UBR3: variants seen among roughly 807,000 people sequenced by gnomAD.
UBR3 encodes E3 ubiquitin-protein ligase UBR3.
In UBR3, 85 loss-of-function variants were observed where a neutral mutation model predicts 243.2. The ratio of observed to expected loss-of-function variants is 0.35; its 90% confidence interval spans 0.29 to 0.42. UBR3 has a LOEUF of 0.42. UBR3 is among the 10% of genes least tolerant of loss of function. The pLI is 1.00. For synonymous variants in UBR3, 748 were observed against 799.8 expected (o/e 0.94, Z 1.09); for missense variants, 1,686 against 2,300.8 (o/e 0.73, Z 5.47).
chr2:170,074,308 T>G (rs926331702), intron 36 of UBR3, among the ~76,000 whole-genome samples: 1 of 152,118 alleles, frequency 6.6e-6, no homozygotes, highest in Non-Finnish European at 1.5e-5. Flanking sequence ...GAGAAAAATA[T>G]AGGACTTGGT....
At chr2:170,045,980 T>TA in intron 32 of UBR3, among the ~76,000 whole-genome samples, 1 of 150,978 alleles carries the variant, frequency 6.6e-6, no homozygotes, top group Non-Finnish European at 1.5e-5. Flanking sequence ...TTTTTTTTTT[T>TA]TTTTTTTGGA....
chr2:170,069,743 A>C (rs1175715966), intron 35 of UBR3, among the ~76,000 whole-genome samples: 36 of 151,794 alleles, frequency 2.4e-4, no homozygotes, highest in Admixed American at 2.4e-3. Context: ...AATTGACAGC[A>C]TTTCCTTCTT....
intron 8 of UBR3, among the ~76,000 whole-genome samples, chr2:169,903,474 C>T (rs1468571763): frequency 6.6e-6 from 1 of 152,100 alleles, no homozygotes; most frequent in Non-Finnish European, 1.5e-5. Flanking sequence ...TGTAAAAAGC[C>T]CCTAGTCCTT....
At chr2:169,941,282 G>C (rs116672544) in intron 19 of UBR3, among the ~76,000 whole-genome samples, 2,841 of 152,220 alleles carry the variant, frequency 0.019, 57 homozygotes, top group East Asian at 0.038. Context: ...CCTGAAATGA[G>C]GGATGGTATC....
intron 22 of UBR3, 24 bp downstream of exon 22, chr2:169,947,739 A>G (rs1354589432): frequency 7.0e-7 from 1 of 1,432,462 alleles, no homozygotes; most frequent in South Asian, 1.6e-5. Context: ...TAAGAAAGAA[A>G]ATAAGAAAAA....
chr2:170,075,638 G>A (rs2091791104), intron 36 of UBR3, among the ~76,000 whole-genome samples: 2 of 152,194 alleles, frequency 1.3e-5, no homozygotes, highest in South Asian at 4.2e-4. Flanking sequence ...CATTTGACCT[G>A]TATTCCCCCT....
chr2:170,024,155 C>A (rs1391852872), intron 30 of UBR3, among the ~76,000 whole-genome samples: 1 of 151,714 alleles, frequency 6.6e-6, no homozygotes, highest in Non-Finnish European at 1.5e-5. Context: ...GAGATCGAGA[C>A]CATCCTGGGT....
rs766667235 is a variant in UBR3, at chr2:170,081,713, C to G, written c.5550-13C>G. On this transcript the variant is annotated splice_polypyrimidine_tract_variant and intron_variant, in intron 38 of 38. Coordinates refer to ENST00000272793, the MANE Select transcript of UBR3 (RefSeq NM_172070.4). The stretch of plus-strand genomic sequence containing the variant: ...TGTATGATATTAATACTTTTTTTTT[C>G]TTTTTGTTCTAGGCGAGGCAAACCT... 18 of 1,543,298 alleles carry G rather than the reference C, an allele frequency of 1.2e-5. No individual in the cohort carries two copies. The highest frequency in any genetic ancestry group is 2.8e-5 in the African/African-American group (2 of 70,630).
chr2:169,843,045 T>C (rs2082352587), intron 1 of UBR3, among the ~76,000 whole-genome samples: 1 of 152,238 alleles, frequency 6.6e-6, no homozygotes, highest in South Asian at 2.1e-4. Flanking sequence ...ATGCTTCTTT[T>C]ATGGCAATCT....
At chr2:169,871,518 C>A (rs971394833) in intron 1 of UBR3, among the ~76,000 whole-genome samples, 2 of 151,284 alleles carry the variant, frequency 1.3e-5, no homozygotes, top group East Asian at 3.9e-4. Context: ...CCGAGGCGGG[C>A]GGAGCACCTG....
At chr2:169,948,007 A>T (rs73015801) in intron 22 of UBR3, 47,828 of 917,542 alleles carry the variant, frequency 0.052, 1,316 homozygotes, top group Middle Eastern at 0.057. Context: ...AACCGCTTTG[A>T]AGTATTTGTG....
At chr2:169,876,152 C>T (rs190515890) in intron 3 of UBR3, among the ~76,000 whole-genome samples, 427 of 149,006 alleles carry the variant, frequency 2.9e-3, no homozygotes, top group African/African-American at 0.01. Context: ...GGCGCAATCT[C>T]GGCTCACTGC....
chr2:169,927,232 A>G (rs2085943291), intron 16 of UBR3, 88 bp from the exon 17 acceptor site: 1 of 1,227,588 alleles, frequency 8.1e-7, no homozygotes, highest in Non-Finnish European at 1.1e-6. Flanking sequence ...TATATTTGGT[A>G]AAACAGCTTA....
intron 32 of UBR3, among the ~76,000 whole-genome samples, chr2:170,052,724 CT>C (rs1470484554): frequency 2.0e-5 from 3 of 152,112 alleles, no homozygotes. Context: ...CGGGTGTGTA[CT>C]TTCAGTTATA....
intron 30 of UBR3, among the ~76,000 whole-genome samples, chr2:170,024,353 CAAAAAAAAA>C (rs10606818): frequency 4.9e-5 from 5 of 101,956 alleles, no homozygotes; most frequent in Non-Finnish European, 9.4e-5. Flanking sequence ...GACTCCATCT[CAAAAAAAAA>C]AAAAAAAAAA....
rs1344112290 is a variant in UBR3 at position 169,855,889 on chromosome 2, A to G, written c.546-16347A>G. ...ACACCTCCCAGACGGGGTGGCGGCC[A>G]GGCAGAGGGGCTCCTCACTTCCCAG... On this transcript the variant is annotated intron_variant, in intron 1 of 38. Coordinates refer to ENST00000272793, the MANE Select transcript of UBR3 (RefSeq NM_172070.4). 9.1e-4 allele frequency among the ~76,000 whole-genome samples: 136 copies of G among 148,962 alleles called. 2 individuals are homozygous for G. Among genetic ancestry groups the G allele is most frequent in the Non-Finnish European group, 5.1e-4 (34 of 67,020 alleles).
intron 32 of UBR3, among the ~76,000 whole-genome samples, chr2:170,046,010 A>G (rs553521241): frequency 7.2e-6 from 1 of 138,214 alleles, no homozygotes; most frequent in East Asian, 2.1e-4. Context: ...TCTCTCGCCT[A>G]GGCTGGAATG....
chr2:170,073,918 T>G (rs2091752586), intron 36 of UBR3, among the ~76,000 whole-genome samples: 1 of 152,288 alleles, frequency 6.6e-6, no homozygotes, highest in East Asian at 1.9e-4. Context: ...GAATTTACAT[T>G]TTTGTTTGAA....
chr2:169,957,569 G>A (rs1410166713), intron 23 of UBR3, among the ~76,000 whole-genome samples: 5 of 124,934 alleles, frequency 4.0e-5, no homozygotes, highest in African/African-American at 9.1e-5. Context: ...TCGTGGGGTC[G>A]GGGGAGGGGG....
Sources: gnomAD v4.1 joint callset for allele counts (sites outside exome capture counted in the v4.1 genomes callset) on GRCh38, gnomAD v4.1.1 for gene constraint, MANE v1.5 for transcripts, NCBI Gene and HGNC (gene_info 2026-07-23, HGNC 2026-07-21) for gene names.